Variants in SHROOM4 observed in about 807,000 individuals in gnomAD.
SHROOM4 encodes the protein shroom family member 4, also known as protein Shroom4.
A neutral mutation model predicts 80.3 loss-of-function variants in SHROOM4; 17 were observed. The ratio of observed to expected loss-of-function variants is 0.21; its 90% CI spans 0.14 to 0.32. The LOEUF (loss-of-function observed/expected upper bound fraction) is 0.32. Among genes scored for constraint, SHROOM4 ranks in the 10% least tolerant of loss-of-function variants. The pLI, the probability that SHROOM4 is intolerant of heterozygous loss-of-function variation, is 1.00. For missense variants in SHROOM4, 993 were observed against 1,140.3 expected (o/e 0.87, Z 1.86); for synonymous variants, 400 against 437.5 (o/e 0.91, Z 1.07).
At chrX:50,655,791 A>T (rs1274313910) in intron 2 of SHROOM4, among the ~76,000 whole-genome samples, 2 of 109,918 alleles carry the variant, frequency 1.8e-5, no homozygotes, top group African/African-American at 6.6e-5. Context: ...CAGAAGTAGG[A>T]CTGCTGGCTT....
At chrX:50,615,353 C>T (rs1021719540) in intron 5 of SHROOM4, among the ~76,000 whole-genome samples, 2 of 110,836 alleles carry the variant, frequency 1.8e-5, no homozygotes, top group East Asian at 2.8e-4. Context: ...CTTCTCTTTC[C>T]GCCTCTTTAT....
chrX:50,600,247 A>C (rs1235142951), intron 7 of SHROOM4, among the ~76,000 whole-genome samples: 1 of 111,630 alleles, frequency 9.0e-6, no homozygotes, highest in African/African-American at 3.3e-5. Flanking sequence ...AACATACTCC[A>C]AACTAATAGA....
At chrX:50,799,880 T>C (rs1300256403) in intron 1 of SHROOM4, among the ~76,000 whole-genome samples, 1 of 111,847 alleles carries the variant, frequency 8.9e-6, no homozygotes, top group African/African-American at 3.2e-5. Flanking sequence ...TAGGAAATGC[T>C]GCAATCATCA....
At chrX:50,710,337 A>AAAAGAAT (rs1933781046) in intron 1 of SHROOM4, among the ~76,000 whole-genome samples, 1 of 112,190 alleles carries the variant, frequency 8.9e-6, no homozygotes, top group South Asian at 3.7e-4. Flanking sequence ...CGCAGCCACA[A>AAAAGAAT]AAAGAATGAG....
intron 1 of SHROOM4, among the ~76,000 whole-genome samples, chrX:50,786,359 C>A (rs1486248356): frequency 8.9e-6 from 1 of 112,048 alleles, no homozygotes; most frequent in African/African-American, 3.2e-5. Flanking sequence ...CTCTTCCCAG[C>A]TTAGCACAGA....
chrX:50,649,917 CATT>C lies in SHROOM4; in HGVS notation c.270-11612_270-11610del, dbSNP rs1397543007. On this transcript the variant is annotated intron_variant, in intron 2 of 8. Transcript: ENST00000376020. ...CTAAGAAAGCCATTAAAGATGTACA[CATT>C]TATTTATGTACTTGAAGTGTCTTCC... 1.6e-4 allele frequency among the ~76,000 whole-genome samples: 18 copies of C among 112,431 alleles called. No homozygotes were observed. The East Asian group carries it at 4.7e-3, about 30-fold the overall frequency.
chrX:50,758,810 G>A (rs1175168327), intron 1 of SHROOM4, among the ~76,000 whole-genome samples: 1 of 111,466 alleles, frequency 9.0e-6, no homozygotes, highest in African/African-American at 3.3e-5. Flanking sequence ...TTCTTTATGG[G>A]AAGATTTTTA....
chrX:50,694,275 A>G (rs781943037), intron 2 of SHROOM4, among the ~76,000 whole-genome samples: 1 of 109,307 alleles, frequency 9.1e-6, no homozygotes, highest in East Asian at 2.9e-4. Flanking sequence ...TTTTTGCTAA[A>G]CCTCCATACT....
intron 1 of SHROOM4, among the ~76,000 whole-genome samples, chrX:50,725,419 C>T (rs181991796): frequency 1.2e-3 from 131 of 112,185 alleles, no homozygotes; most frequent in Non-Finnish European, 1.4e-3. Flanking sequence ...CGGTGGGAGG[C>T]GCAAGCAGAG....
intron 7 of SHROOM4, among the ~76,000 whole-genome samples, chrX:50,598,766 GTAAGTGGTA>G (rs782541950): frequency 9.0e-6 from 1 of 111,598 alleles, no homozygotes; most frequent in East Asian, 2.8e-4. Context: ...TTGGCATTGG[GTAAGTGGTA>G]TCCATGCACT....
chrX:50,614,500 G>C (rs897468771), intron 5 of SHROOM4, among the ~76,000 whole-genome samples: 1 of 112,373 alleles, frequency 8.9e-6, no homozygotes, highest in African/African-American at 3.2e-5. Flanking sequence ...TTACCAAAAG[G>C]TGTTCGACCT....
chrX:50,637,613 G>A (rs886179689), intron 3 of SHROOM4, among the ~76,000 whole-genome samples: 3 of 112,617 alleles, frequency 2.7e-5, no homozygotes, highest in African/African-American at 9.7e-5. Flanking sequence ...CCTTCTTGGA[G>A]GGAAGCTCTT....
At chrX:50,642,704 A>G (rs1375748434) in intron 2 of SHROOM4, among the ~76,000 whole-genome samples, 2 of 111,607 alleles carry the variant, frequency 1.8e-5, no homozygotes, top group Non-Finnish European at 3.8e-5. Context: ...GCCTCAAGCA[A>G]TCTTCCTGCC....
chrX:50,762,892 T>A (rs1484087635), intron 1 of SHROOM4, among the ~76,000 whole-genome samples: 2 of 112,053 alleles, frequency 1.8e-5, no homozygotes, highest in African/African-American at 6.5e-5. Context: ...TATGCCTTTA[T>A]CCTTCTTGGA....
At chrX:50,614,356 G>T (rs1930132155) in intron 5 of SHROOM4, among the ~76,000 whole-genome samples, 1 of 111,732 alleles carries the variant, frequency 8.9e-6, no homozygotes, top group Non-Finnish European at 1.9e-5. Flanking sequence ...AAGATATACT[G>T]GGAAAAATAT....
At chrX:50,767,312 C>T (rs183252380) in intron 1 of SHROOM4, among the ~76,000 whole-genome samples, 17 of 111,591 alleles carry the variant, frequency 1.5e-4, no homozygotes, top group Non-Finnish European at 2.8e-4. Context: ...ATGTCAATAC[C>T]ACACAATCTT....
the SHROOM4 span, among the ~76,000 whole-genome samples, chrX:50,580,372 C>T: frequency 8.9e-6 from 1 of 112,255 alleles, no homozygotes; most frequent in Non-Finnish European, 1.9e-5. Flanking sequence ...AAGGACCACA[C>T]TTTGAGAACC....
intron 1 of SHROOM4, among the ~76,000 whole-genome samples, chrX:50,809,844 C>T (rs1161200536): frequency 3.6e-5 from 4 of 112,002 alleles, no homozygotes; most frequent in Admixed American, 1.9e-4. Flanking sequence ...AATGAGGTAG[C>T]GTAACATGTT....
At chrX:50,680,681 A>G (rs1932923133) in intron 2 of SHROOM4, among the ~76,000 whole-genome samples, 1 of 111,311 alleles carries the variant, frequency 9.0e-6, no homozygotes, top group Non-Finnish European at 1.9e-5. Flanking sequence ...ATACCATTTT[A>G]TAATATACTT....
Sources: allele counts gnomAD v4.1 joint callset (sites outside exome capture counted in the v4.1 genomes callset), GRCh38; gene constraint gnomAD v4.1.1; transcripts MANE v1.5; gene names NCBI Gene and HGNC (gene_info 2026-07-23, HGNC 2026-07-21).